The following GPR137C variants were observed in gnomAD, a reference collection of about 807,000 sequenced individuals.
GPR137C encodes G protein-coupled receptor 137C.
A neutral mutation model predicts 43.4 loss-of-function variants in GPR137C; 27 were observed. The observed-to-expected ratio is 0.62, with a 90% CI of 0.46 to 0.86. The LOEUF (loss-of-function observed/expected upper bound fraction) is 0.86. Ranked by LOEUF, GPR137C falls within the 40% of genes least tolerant of loss-of-function variation. GPR137C has a pLI of 0.00. For synonymous variants in GPR137C, 285 were observed against 226.9 expected, an observed-to-expected ratio of 1.26 and a Z score of -2.30; for missense variants, 522 against 534.6, an observed-to-expected ratio of 0.98 and a Z score of 0.23.
intron 3 of GPR137C, among the ~76,000 whole-genome samples, chr14:52,617,665 C>G (rs763659553): frequency 1.6e-4 from 25 of 152,036 alleles, no homozygotes; most frequent in Non-Finnish European, 3.5e-4. Context: ...GGCAACAGAG[C>G]GAGAGTCCTT....
intron 1 of GPR137C, among the ~76,000 whole-genome samples, chr14:52,570,322 G>A (rs1229815965): frequency 6.6e-6 from 1 of 152,156 alleles, no homozygotes; most frequent in Non-Finnish European, 1.5e-5. Flanking sequence ...CACCAGGCCT[G>A]CCTTACAAGA....
intron 1 of GPR137C, among the ~76,000 whole-genome samples, chr14:52,562,894 CAA>C (rs1384306344): frequency 6.6e-6 from 1 of 152,076 alleles, no homozygotes; most frequent in Non-Finnish European, 1.5e-5. Flanking sequence ...ATAGAAAAAA[CAA>C]AGAGGTTTGA....
At chr14:52,629,345 C>A (rs963310946) in intron 3 of GPR137C, among the ~76,000 whole-genome samples, 1 of 152,128 alleles carries the variant, frequency 6.6e-6, no homozygotes, top group Non-Finnish European at 1.5e-5. Context: ...ATCTAACTGT[C>A]ATATAAACAA....
At chr14:52,589,978 T>G (rs1221864069) in intron 1 of GPR137C, among the ~76,000 whole-genome samples, 1 of 152,174 alleles carries the variant, frequency 6.6e-6, no homozygotes, top group African/African-American at 2.4e-5. Context: ...TAGAATGGCT[T>G]TCTACTTATT....
intron 1 of GPR137C, among the ~76,000 whole-genome samples, chr14:52,587,198 T>C (rs1421832997): frequency 6.6e-6 from 1 of 152,212 alleles, no homozygotes; most frequent in African/African-American, 2.4e-5. Flanking sequence ...TGGTAGGTAT[T>C]GGGCTCTATA....
chr14:52,597,175 C>T (rs1454579368), intron 1 of GPR137C, among the ~76,000 whole-genome samples: 1 of 152,182 alleles, frequency 6.6e-6, no homozygotes, highest in East Asian at 1.9e-4. Flanking sequence ...GACAGTTTTT[C>T]CCCTTACCTC....
intron 3 of GPR137C, among the ~76,000 whole-genome samples, chr14:52,615,668 G>A (rs2039090678): frequency 6.6e-6 from 1 of 152,020 alleles, no homozygotes; most frequent in African/African-American, 2.4e-5. Context: ...TCATTGTAGA[G>A]ATCTTTCACT....
At chr14:52,567,027 C>T (rs111732700) in intron 1 of GPR137C, among the ~76,000 whole-genome samples, 1,561 of 152,232 alleles carry the variant, frequency 0.01, 13 homozygotes, top group Middle Eastern at 0.034. Context: ...GCAGGAGACT[C>T]ACTTGAACCC....
intron 1 of GPR137C, among the ~76,000 whole-genome samples, chr14:52,574,122 G>A (rs968639439): frequency 6.6e-6 from 1 of 151,664 alleles, no homozygotes; most frequent in Admixed American, 6.6e-5. Flanking sequence ...CTGTTGGTGG[G>A]AGTGTAAATT....
chr14:52,576,362 C>T (rs1297476633), intron 1 of GPR137C, among the ~76,000 whole-genome samples: 1 of 152,156 alleles, frequency 6.6e-6, no homozygotes, highest in Non-Finnish European at 1.5e-5. Flanking sequence ...TTAATCTAAT[C>T]ATCCATTGAT....
At chr14:52,607,917 T>C (rs1346949636) in intron 3 of GPR137C, among the ~76,000 whole-genome samples, 5 of 152,124 alleles carry the variant, frequency 3.3e-5, no homozygotes. Context: ...TTATCTGATA[T>C]GAATATAGCT....
At position 52,606,687 on chromosome 14, in the gene GPR137C, T is replaced by G. The variant is rs2139540637; in HGVS notation, c.717+6346T>G. 1.3e-5 allele frequency among the ~76,000 whole-genome samples: 2 copies of G among 152,288 alleles called. 1 individual carries two copies. Among genetic ancestry groups the G allele is most frequent in the South Asian group, 4.1e-4 (2 of 4,828 alleles). On this transcript the variant is annotated intron_variant, in intron 3 of 6. Coordinates refer to ENST00000321662, the MANE Select transcript of GPR137C (RefSeq NM_001099652.2). ...TCATCCTTAGTTTTAATTATTTGAG[T>G]CTTCTCTTTTTGTTAGTCTAGCTAA...
At chr14:52,572,894 CAA>C (rs1290895702) in intron 1 of GPR137C, among the ~76,000 whole-genome samples, 1 of 152,160 alleles carries the variant, frequency 6.6e-6, no homozygotes, top group African/African-American at 2.4e-5. Flanking sequence ...GCAACTTCAG[CAA>C]AGTCTCAGGA....
chr14:52,557,749 GAT>G (rs2139430483), intron 1 of GPR137C, among the ~76,000 whole-genome samples: 2 of 152,340 alleles, frequency 1.3e-5, no homozygotes, highest in South Asian at 4.1e-4. Flanking sequence ...AATAGAAAGA[GAT>G]GTGATTTGTC....
At chr14:52,598,173 T>G in intron 1 of GPR137C, 99 bp from the exon 2 acceptor site, 1 of 468,808 alleles carries the variant, frequency 2.1e-6, no homozygotes, top group Non-Finnish European at 3.9e-6. Context: ...GTGCTATATG[T>G]TATTTATAGT....
chr14:52,628,917 A>G (rs1176636770), intron 3 of GPR137C, among the ~76,000 whole-genome samples: 1 of 152,260 alleles, frequency 6.6e-6, no homozygotes, highest in Non-Finnish European at 1.5e-5. Flanking sequence ...GTCAGCATAT[A>G]TAAAGATCTC....
At chr14:52,568,358 C>G (rs1364673892) in intron 1 of GPR137C, among the ~76,000 whole-genome samples, 1 of 152,176 alleles carries the variant, frequency 6.6e-6, no homozygotes, top group East Asian at 1.9e-4. Flanking sequence ...CCCTGGGTTT[C>G]AAGCACAAAA....
chr14:52,616,212 A>C (rs770783462), intron 3 of GPR137C, among the ~76,000 whole-genome samples: 2 of 152,222 alleles, frequency 1.3e-5, no homozygotes, highest in African/African-American at 2.4e-5. Context: ...GTTGGAAACT[A>C]TCTCTAGTTA....
chr14:52,568,385 G>A (rs2038406164), intron 1 of GPR137C, among the ~76,000 whole-genome samples: 1 of 152,180 alleles, frequency 6.6e-6, no homozygotes. Context: ...GGCTGTTTGG[G>A]TGGACACTGA....
Sources: gnomAD v4.1 joint callset for allele counts (sites outside exome capture counted in the v4.1 genomes callset) on GRCh38, gnomAD v4.1.1 for gene constraint, MANE v1.5 for transcripts, NCBI Gene and HGNC (gene_info 2026-07-23, HGNC 2026-07-21) for gene names.